BPGM: variants seen among roughly 807,000 people sequenced by gnomAD.
The protein encoded by BPGM is bisphosphoglycerate mutase, also known as 2,3-bisphosphoglycerate mutase, erythrocyte.
BPGM carries 15 observed loss-of-function variants against 21.6 expected under a neutral mutation model. That is an observed-to-expected ratio of 0.70 (90% confidence interval 0.47 to 1.07). The LOEUF (loss-of-function observed/expected upper bound fraction) is 1.07. BPGM is among the 50% of genes least tolerant of loss of function. The pLI is 0.00. For missense variants in BPGM, 273 were observed against 319.0 expected (o/e 0.86, Z 1.10); for synonymous variants, 113 against 116.2 (o/e 0.97, Z 0.18).
At chr7:134,662,220 T>A in intron 2 of BPGM, 112 bp downstream of exon 2, 3 of 1,389,168 alleles carry the variant, frequency 2.2e-6, no homozygotes, top group Non-Finnish European at 3.0e-6. Context: ...TCTATCCCCC[T>A]TTGTCACTTC....
At chr7:134,658,892 A>ATTTTTTTTATTTTATT (rs5741666) in intron 1 of BPGM, among the ~76,000 whole-genome samples, 2 of 143,900 alleles carry the variant, frequency 1.4e-5, no homozygotes, top group African/African-American at 5.2e-5. Context: ...GTGTGTGTGT[A>ATTTTTTTTATTTTATT]TTTTTTTTTT....
chr7:134,671,893 G>A (rs1795909995), intron 2 of BPGM, among the ~76,000 whole-genome samples: 1 of 152,150 alleles, frequency 6.6e-6, no homozygotes, highest in African/African-American at 2.4e-5. Context: ...CATTGTTCCT[G>A]CTCTCAAGGA....
chr7:134,663,463 G>C (rs994568519), intron 2 of BPGM, among the ~76,000 whole-genome samples: 3 of 152,150 alleles, frequency 2.0e-5, no homozygotes, highest in African/African-American at 4.8e-5. Flanking sequence ...TTCTATTCTT[G>C]TTCAGAATAA....
At chr7:134,667,030 C>T (rs1455598783) in intron 2 of BPGM, among the ~76,000 whole-genome samples, 2 of 152,142 alleles carry the variant, frequency 1.3e-5, no homozygotes, top group Non-Finnish European at 2.9e-5. Context: ...TCTTGTATTG[C>T]ATGTCTAACT....
intron 2 of BPGM, among the ~76,000 whole-genome samples, chr7:134,666,362 G>A (rs1795821564): frequency 6.6e-6 from 1 of 152,128 alleles, no homozygotes; most frequent in African/African-American, 2.4e-5. Context: ...AAAGACATGG[G>A]CTGCCAGAGA....
intron 1 of BPGM, among the ~76,000 whole-genome samples, chr7:134,650,069 G>T (rs1795532031): frequency 6.6e-6 from 1 of 152,196 alleles, no homozygotes; most frequent in Non-Finnish European, 1.5e-5. Context: ...GGAACCTGAG[G>T]TTCAAAGAAT....
Position 134,661,514 on chromosome 7 carries a change from A to G in BPGM, c.7A>G (p.Lys3Glu). Reference sequence around the variant, plus strand: ...GGGAAGTTCAGCCATCAGTATGTCCAAGTACAAACTTATTATGTTAAGACA... The same window carrying G: ...GGGAAGTTCAGCCATCAGTATGTCCGAGTACAAACTTATTATGTTAAGACA... MS[K>E]YKLIMLRHGE... The change falls in exon 2 of 3, where the codon AAG becomes GAG. Residue 3 changes from lysine (K) to glutamate (E), a missense_variant. Lys to Glu is a moderately conservative substitution (Grantham distance 56, BLOSUM62 1). Coordinates refer to ENST00000344924, the MANE Select transcript of BPGM (RefSeq NM_001724.5). This position sits in a 1 kb window ranked among gnomAD's most constrained non-coding sequence, Gnocchi z 4.6. 6.2e-7 allele frequency: 1 copy of G among 1,614,188 alleles called. No individual in the cohort carries two copies. The highest frequency in any genetic ancestry group is 8.5e-7 in the Non-Finnish European group (1 of 1,180,010).
At chr7:134,674,204 C>T (rs762344141) in intron 2 of BPGM, among the ~76,000 whole-genome samples, 14 of 152,276 alleles carry the variant, frequency 9.2e-5, no homozygotes, top group East Asian at 3.9e-4. Flanking sequence ...TGAGCCACTG[C>T]GCCCAGCCCT....
At chr7:134,662,200 A>G in intron 2 of BPGM, 92 bp downstream of exon 2, 1 of 1,498,764 alleles carries the variant, frequency 6.7e-7, no homozygotes. Context: ...CTATTTACAC[A>G]ATAGACTCCT....
intron 1 of BPGM, among the ~76,000 whole-genome samples, chr7:134,655,661 C>A (rs17167980): frequency 0.022 from 3,287 of 152,200 alleles, 72 homozygotes; most frequent in East Asian, 0.11. Context: ...ACATAAATAC[C>A]CTGAGATTCT....
intron 2 of BPGM, among the ~76,000 whole-genome samples, chr7:134,675,386 T>C (rs1795970694): frequency 6.6e-6 from 1 of 152,200 alleles, no homozygotes; most frequent in African/African-American, 2.4e-5. Context: ...ATTTTAGCTC[T>C]TGACTCTAAG....
In BPGM at chr7:134,661,531, G is replaced by T; in HGVS notation, c.24G>T (p.Met8Ile). The change falls in exon 2 of 3, where the codon ATG becomes ATT. Residue 8 changes from methionine (M) to isoleucine (I), a missense_variant. By Grantham distance (10) the Met-to-Ile change is conservative. Coordinates refer to ENST00000344924, the MANE Select transcript of BPGM (RefSeq NM_001724.5). The surrounding 1 kb of genome is among the most constrained non-coding windows in gnomAD (Gnocchi z 4.6). MSKYKLI[M>I]LRHGEGAWNK... ...GTATGTCCAAGTACAAACTTATTAT[G>T]TTAAGACATGGAGAGGGTGCTTGGA... is the stretch of plus-strand genomic sequence containing the variant. 1 of 1,614,146 alleles carries T rather than the reference G, an allele frequency of 6.2e-7. No homozygotes were observed. Among genetic ancestry groups the T allele is most frequent in the East Asian group, 2.2e-5 (1 of 44,890 alleles).
intron 1 of BPGM, among the ~76,000 whole-genome samples, chr7:134,655,604 A>G (rs1047871050): frequency 6.6e-5 from 10 of 152,230 alleles, no homozygotes; most frequent in Non-Finnish European, 1.5e-4. Context: ...GTACAAAAGT[A>G]CAAAGTACAG....
rs904316469 is a variant in BPGM at position 134,661,253 on chromosome 7, C to T, written c.-61-194C>T. On this transcript the variant is annotated intron_variant, in intron 1 of 2. Transcript: ENST00000344924. This position sits in a 1 kb window ranked among gnomAD's most constrained non-coding sequence, Gnocchi z 4.6. The stretch of plus-strand genomic sequence containing the variant: ...TATCCAAACATCAGAAAATTTAAGT[C>T]AACTAGATTCCCTGTAATGAATTAT... Among the ~76,000 whole-genome samples the T allele has an allele frequency of 1.3e-5, 2 of 152,144 alleles. No homozygotes were observed. Among genetic ancestry groups the T allele is most frequent in the African/African-American group, 4.8e-5 (2 of 41,416 alleles).
At chr7:134,654,212 G>A (rs1324098148) in intron 1 of BPGM, among the ~76,000 whole-genome samples, 2 of 152,186 alleles carry the variant, frequency 1.3e-5, no homozygotes, top group Admixed American at 1.3e-4. Context: ...ATTGGGCCAT[G>A]CCTAAATGGG....
chr7:134,658,165 G>A (rs1242590839), intron 1 of BPGM, among the ~76,000 whole-genome samples: 3 of 151,984 alleles, frequency 2.0e-5, no homozygotes, highest in African/African-American at 7.3e-5. Flanking sequence ...GCAATGGGCT[G>A]GAGCTAAGTA....
At chr7:134,656,096 G>A (rs1795633172) in intron 1 of BPGM, among the ~76,000 whole-genome samples, 1 of 152,178 alleles carries the variant, frequency 6.6e-6, no homozygotes, top group Non-Finnish European at 1.5e-5. Context: ...TGCTAGAAAT[G>A]CATATTCACA....
rs1167130287 is a variant in BPGM at position 134,679,397 on chromosome 7, AG to A, written c.*367del. The A allele has an allele frequency of 8.4e-6, 2 of 237,580 alleles. No individual in the cohort carries two copies. The highest frequency in any genetic ancestry group is 1.7e-5 in the Non-Finnish European group (2 of 120,234). 14.7% of individuals were successfully genotyped at this position (237,580 alleles called of 1,614,324 possible). ...ACCATTGACAGGCACTATTCTAATCAGTAGTTCACTTTAATATTTAATAAGA... is the reference window on the plus strand; with the variant it reads ...ACCATTGACAGGCACTATTCTAATCATAGTTCACTTTAATATTTAATAAGA... On this transcript the variant is annotated 3_prime_UTR_variant, in exon 3 of 3. Transcript: ENST00000344924.
chr7:134,660,294 C>G (rs1359819532), intron 1 of BPGM: 2 of 152,346 alleles, frequency 1.3e-5, no homozygotes, highest in Admixed American at 6.6e-5. Context: ...TGGAAGTTGC[C>G]AAGAGTGGCA....
Sources: gnomAD v4.1 joint callset for allele counts (sites outside exome capture counted in the v4.1 genomes callset) on GRCh38, gnomAD v4.1.1 for gene constraint, Gnocchi (gnomAD v3.1) non-coding constraint, MANE v1.5 for transcripts, NCBI Gene and HGNC (gene_info 2026-07-23, HGNC 2026-07-21) for gene names.